GLG1: variants seen among roughly 807,000 people sequenced by gnomAD.
GLG1 encodes golgi glycoprotein 1.
GLG1 carries 38 observed loss-of-function variants against 160.5 expected under a neutral mutation model. The ratio of observed to expected loss-of-function variants is 0.24; its 90% CI spans 0.18 to 0.31. GLG1 has a LOEUF of 0.31. Among genes scored for constraint, GLG1 ranks in the 10% least tolerant of loss-of-function variants. GLG1 has a pLI of 1.00. For missense variants in GLG1, 1,373 were observed against 1,505.2 expected (o/e 0.91, Z 1.45); for synonymous variants, 644 against 543.4 (o/e 1.19, Z -2.57).
At chr16:74,478,801 A>C (rs764614119) in intron 11 of GLG1, among the ~76,000 whole-genome samples, 3 of 150,606 alleles carry the variant, frequency 2.0e-5, no homozygotes, top group Non-Finnish European at 2.9e-5. Context: ...AATCCCAGCT[A>C]ATCTGGAGGG....
At chr16:74,524,739 A>G (rs375612580) in intron 2 of GLG1, among the ~76,000 whole-genome samples, 10 of 152,238 alleles carry the variant, frequency 6.6e-5, no homozygotes, top group African/African-American at 1.9e-4. Flanking sequence ...CTCTGTTGAG[A>G]TAGAATTTAC....
At chr16:74,462,928 T>C (rs2014858717) in intron 20 of GLG1, 1 of 454,308 alleles carries the variant, frequency 2.2e-6, no homozygotes, top group Non-Finnish European at 3.9e-6. Flanking sequence ...ACCTTCCCCA[T>C]AACAGACACT....
chr16:74,546,699 G>A (rs572434391), intron 1 of GLG1, among the ~76,000 whole-genome samples: 3 of 151,750 alleles, frequency 2.0e-5, no homozygotes, highest in East Asian at 3.9e-4. Flanking sequence ...TTAGCCAGGC[G>A]TGGTGGCAGG....
intron 11 of GLG1, among the ~76,000 whole-genome samples, chr16:74,479,659 T>C (rs1053457910): frequency 1.8e-4 from 27 of 152,150 alleles, no homozygotes; most frequent in African/African-American, 6.0e-4. Context: ...GCAGGACTGA[T>C]AATGGAGCAT....
intron 13 of GLG1, among the ~76,000 whole-genome samples, chr16:74,473,358 C>T (rs1266797965): frequency 6.6e-6 from 1 of 151,564 alleles, no homozygotes. Context: ...GCACTACAGG[C>T]ATGTTTTACC....
chr16:74,599,980 G>C (rs1048583285), intron 1 of GLG1, among the ~76,000 whole-genome samples: 1 of 152,110 alleles, frequency 6.6e-6, no homozygotes, highest in Non-Finnish European at 1.5e-5. Context: ...GTTGCAGTGA[G>C]GTGAGATCGC....
intron 20 of GLG1, 67 bp downstream of exon 20, chr16:74,463,289 A>C (rs2014871905): frequency 2.0e-6 from 3 of 1,506,652 alleles, no homozygotes; most frequent in Non-Finnish European, 2.8e-6. Context: ...TGAGCAGGTC[A>C]CTCTACAGCC....
At chr16:74,511,013 T>C (rs1057145228) in intron 2 of GLG1, among the ~76,000 whole-genome samples, 1 of 152,048 alleles carries the variant, frequency 6.6e-6, no homozygotes, top group Admixed American at 6.6e-5. Context: ...ACCGCATCCA[T>C]GGAAGCAAGG....
At chr16:74,521,267 G>A (rs946233547) in intron 2 of GLG1, among the ~76,000 whole-genome samples, 9 of 152,108 alleles carry the variant, frequency 5.9e-5, no homozygotes, top group African/African-American at 1.4e-4. Flanking sequence ...AGATTTGGGA[G>A]TTTAATCAGT....
At chr16:74,497,049 C>A (rs1050617701) in intron 4 of GLG1, among the ~76,000 whole-genome samples, 3 of 152,020 alleles carry the variant, frequency 2.0e-5, no homozygotes, top group Non-Finnish European at 4.4e-5. Flanking sequence ...AAGGCCGAGG[C>A]AGGTGGATCA....
chr16:74,587,177 C>A (rs1400715826), intron 1 of GLG1, among the ~76,000 whole-genome samples: 3 of 152,140 alleles, frequency 2.0e-5, no homozygotes, highest in Non-Finnish European at 2.9e-5. Flanking sequence ...AGTCACTGGA[C>A]AACAGGCAGC....
intron 1 of GLG1, among the ~76,000 whole-genome samples, chr16:74,604,805 C>G (rs1958526619): frequency 6.6e-6 from 1 of 152,166 alleles, no homozygotes; most frequent in African/African-American, 2.4e-5. Flanking sequence ...AATCTCAGCA[C>G]TTTGGGAGCC....
Position 74,456,656 on chromosome 16 carries a change from G to A in GLG1, c.3365C>T (p.Ala1122Val). 8.2e-6 allele frequency: 13 copies of A among 1,594,438 alleles called. No individual in the cohort carries two copies. Among genetic ancestry groups the A allele is most frequent in the Non-Finnish European group, 1.1e-5 (13 of 1,166,830 alleles). ...LNDRIEMWSY[A>V]AKVAPADGFS... is the part of the protein sequence containing the mutation. ...GATTCTCTTGGTCATTACCTTTGCT[G>A]CGTAACTCCACATCTCAATCCGGTC... The change falls in exon 25 of 26, where the codon GCA (alanine) becomes GTA (valine). Residue 1122 changes from alanine (A) to valine (V), a missense_variant. By Grantham distance (64) the Ala-to-Val change is moderately conservative. Around this residue, in one of 4 missense-constraint regions of GLG1, gnomAD observed 491 missense variants for 632.1 expected, o/e 0.78. Coordinates refer to ENST00000422840, the MANE Select transcript of GLG1 (RefSeq NM_001145667.2).
chr16:74,470,836 C>T lies in GLG1; in HGVS notation c.2229+337G>A, dbSNP rs1345047150. On this transcript the variant is annotated intron_variant, in intron 15 of 25. Coordinates refer to ENST00000422840, the MANE Select transcript of GLG1 (RefSeq NM_001145667.2). ...GCGCAGTGGCGATCTCGGCTCACTA[C>T]AACCTCCGCCTCCCAGGTTCAAGCA... Among the ~76,000 whole-genome samples the T allele has an allele frequency of 3.3e-5, 5 of 152,174 alleles. No homozygotes were observed. In the East Asian group the frequency reaches 9.6e-4, roughly 29 times the overall value.
intron 20 of GLG1, 68 bp downstream of exon 20, chr16:74,463,288 C>T (rs2014871692): frequency 3.3e-6 from 5 of 1,497,744 alleles, no homozygotes; most frequent in Non-Finnish European, 4.6e-6. Context: ...TTGAGCAGGT[C>T]ACTCTACAGC....
chr16:74,511,804 T>A (rs2016817491), intron 2 of GLG1, among the ~76,000 whole-genome samples: 1 of 152,194 alleles, frequency 6.6e-6, no homozygotes, highest in Non-Finnish European at 1.5e-5. Context: ...ATTTTTTGAA[T>A]GTCTTCACCT....
intron 1 of GLG1, among the ~76,000 whole-genome samples, chr16:74,604,396 G>A (rs543149892): frequency 2.6e-5 from 4 of 152,206 alleles, no homozygotes; most frequent in South Asian, 2.1e-4. Flanking sequence ...CATTTTATAC[G>A]GTATAAGGTA....
chr16:74,537,063 T>C (rs536553054), intron 1 of GLG1, among the ~76,000 whole-genome samples: 2 of 152,318 alleles, frequency 1.3e-5, no homozygotes, highest in South Asian at 2.1e-4. Context: ...AAAAAAGTTA[T>C]GAAAAGTATA....
intron 1 of GLG1, among the ~76,000 whole-genome samples, chr16:74,572,404 G>A (rs1322453631): frequency 4.0e-5 from 6 of 151,720 alleles, no homozygotes; most frequent in South Asian, 2.1e-4. Flanking sequence ...CCAGCTACTC[G>A]CAAGGCTGAG....
Sources: gnomAD v4.1 joint callset for allele counts (sites outside exome capture counted in the v4.1 genomes callset) on GRCh38, gnomAD v4.1.1 for gene constraint, gnomAD v4.1.1 regional missense constraint, MANE v1.5 for transcripts, NCBI Gene and HGNC (gene_info 2026-07-23, HGNC 2026-07-21) for gene names.